Variants in CNTN5 observed in about 807,000 individuals in gnomAD.
CNTN5 encodes the protein contactin 5.
CNTN5 carries 77 observed loss-of-function variants against 129.1 expected under a neutral mutation model. The ratio of observed to expected loss-of-function variants is 0.60; its 90% CI spans 0.50 to 0.72. CNTN5 has a LOEUF of 0.72. Among genes scored for constraint, CNTN5 ranks in the 30% least tolerant of loss-of-function variants. The probability of loss-of-function intolerance (pLI) is 0.00; values close to 1 mark genes in which losing one functional copy is unlikely to be tolerated. For synonymous variants in CNTN5, 509 were observed against 465.6 expected (o/e 1.09, Z -1.20); for missense variants, 1,478 against 1,328.8 (o/e 1.11, Z -1.75).
At chr11:99,687,376 AAAGTAGT>A (rs1953841305) in intron 3 of CNTN5, among the ~76,000 whole-genome samples, 7 of 152,306 alleles carry the variant, frequency 4.6e-5, no homozygotes, top group Admixed American at 4.6e-4. Context: ...GGGTAAACAT[AAAGTAGT>A]TTAGTAGCCA....
At chr11:99,351,823 T>C (rs1938318495) in intron 2 of CNTN5, among the ~76,000 whole-genome samples, 1 of 152,242 alleles carries the variant, frequency 6.6e-6, no homozygotes, top group African/African-American at 2.4e-5. Context: ...CCAAGTAGAC[T>C]AGGCATCTGC....
At chr11:100,101,948 C>T (rs1028820657) in intron 13 of CNTN5, among the ~76,000 whole-genome samples, 2 of 152,070 alleles carry the variant, frequency 1.3e-5, no homozygotes, top group African/African-American at 2.4e-5. Context: ...TGGTGTAAAC[C>T]TACCATATTT....
intron 8 of CNTN5, among the ~76,000 whole-genome samples, chr11:99,995,462 ATAAATAT>A (rs1159840719): frequency 1.3e-5 from 2 of 152,210 alleles, no homozygotes; most frequent in African/African-American, 4.8e-5. Flanking sequence ...AAATAAATAG[ATAAATAT>A]TAAACACATA....
chr11:99,637,436 ATGT>A (rs1255536930), intron 3 of CNTN5, among the ~76,000 whole-genome samples: 7 of 152,182 alleles, frequency 4.6e-5, no homozygotes, highest in African/African-American at 1.7e-4. Context: ...CATGGCAATC[ATGT>A]ACATGTATAC....
chr11:99,919,059 A>G (rs1009641508), intron 7 of CNTN5, among the ~76,000 whole-genome samples: 1 of 152,122 alleles, frequency 6.6e-6, no homozygotes, highest in African/African-American at 2.4e-5. Context: ...CATTAAGGAT[A>G]AAAACCCCTT....
chr11:100,332,119 C>G (rs1319739128), intron 21 of CNTN5, among the ~76,000 whole-genome samples: 2 of 151,878 alleles, frequency 1.3e-5, no homozygotes, highest in African/African-American at 4.8e-5. Flanking sequence ...GAGAGAAGAT[C>G]CAAATAAGTT....
chr11:100,241,990 T>A (rs1375756120), intron 16 of CNTN5, among the ~76,000 whole-genome samples: 1 of 152,200 alleles, frequency 6.6e-6, no homozygotes, highest in Non-Finnish European at 1.5e-5. Flanking sequence ...ATGTTTGCCT[T>A]ATCGTTTCAA....
intron 2 of CNTN5, among the ~76,000 whole-genome samples, chr11:99,552,287 T>C (rs1200503567): frequency 6.6e-6 from 1 of 151,866 alleles, no homozygotes; most frequent in South Asian, 2.1e-4. Flanking sequence ...ATAATTATTA[T>C]CTAAAAAATA....
At chr11:99,633,999 G>A (rs1054141285) in intron 3 of CNTN5, among the ~76,000 whole-genome samples, 1 of 152,268 alleles carries the variant, frequency 6.6e-6, no homozygotes, top group Middle Eastern at 3.4e-3. Context: ...TGCTTGAGAG[G>A]TTAGCATACA....
intron 13 of CNTN5, among the ~76,000 whole-genome samples, chr11:100,151,519 T>C (rs1947055613): frequency 6.6e-6 from 1 of 152,134 alleles, no homozygotes; most frequent in South Asian, 2.1e-4. Flanking sequence ...GCATTCTTTT[T>C]AGAATGCTTC....
intron 8 of CNTN5, among the ~76,000 whole-genome samples, chr11:99,968,994 C>T (rs1254477149): frequency 6.6e-6 from 1 of 151,974 alleles, no homozygotes; most frequent in Non-Finnish European, 1.5e-5. Context: ...TAAATTAAAA[C>T]ATCAAAAAAA....
At chr11:99,177,878 A>G (rs1298407788) in intron 1 of CNTN5, among the ~76,000 whole-genome samples, 1 of 152,160 alleles carries the variant, frequency 6.6e-6, no homozygotes, top group Non-Finnish European at 1.5e-5. Context: ...AAAAGCACAA[A>G]GTCAAAGAAA....
intron 8 of CNTN5, among the ~76,000 whole-genome samples, chr11:99,990,455 T>C (rs7127170): frequency 0.68 from 98,952 of 144,990 alleles, 34,393 homozygotes; most frequent in Middle Eastern, 0.77. Flanking sequence ...TATATATATA[T>C]ACACACACAC....
intron 3 of CNTN5, among the ~76,000 whole-genome samples, chr11:99,568,318 T>C (rs1949071667): frequency 6.6e-6 from 1 of 152,236 alleles, no homozygotes; most frequent in Non-Finnish European, 1.5e-5. Context: ...AAAGTAATGC[T>C]CCAATAATTC....
intron 1 of CNTN5, among the ~76,000 whole-genome samples, chr11:99,190,117 A>G (rs1858561216): frequency 6.6e-6 from 1 of 151,680 alleles, no homozygotes; most frequent in African/African-American, 2.4e-5. Context: ...TTGTTATGAT[A>G]TCCAGCTGTC....
chr11:99,725,177 C>G (rs1943296032), intron 3 of CNTN5, among the ~76,000 whole-genome samples: 1 of 152,114 alleles, frequency 6.6e-6, no homozygotes, highest in Non-Finnish European at 1.5e-5. Context: ...CCTCAGGAAA[C>G]AGTTATCATC....
intron 3 of CNTN5, among the ~76,000 whole-genome samples, chr11:99,583,768 C>A (rs1292518215): frequency 6.6e-6 from 1 of 152,172 alleles, no homozygotes; most frequent in East Asian, 1.9e-4. Context: ...ACCCCTTGTG[C>A]TTCCCGGGTG....
intron 13 of CNTN5, among the ~76,000 whole-genome samples, chr11:100,115,050 C>G (rs1945793694): frequency 6.7e-6 from 1 of 149,926 alleles, no homozygotes; most frequent in Non-Finnish European, 1.5e-5. Context: ...AGGACTGCCT[C>G]CTCTCCCATG....
chr11:99,760,644 C>T (rs1031198529), intron 3 of CNTN5, among the ~76,000 whole-genome samples: 1 of 152,030 alleles, frequency 6.6e-6, no homozygotes, highest in African/African-American at 2.4e-5. Context: ...TAATAAAATT[C>T]CAATTTATAT....
Sources: allele counts gnomAD v4.1 joint callset (sites outside exome capture counted in the v4.1 genomes callset), GRCh38; gene constraint gnomAD v4.1.1; transcripts MANE v1.5; gene names NCBI Gene and HGNC (gene_info 2026-07-23, HGNC 2026-07-21).